Variants in OLFM3 observed in about 807,000 individuals in gnomAD.
OLFM3 encodes olfactomedin 3, also known as noelin-3.
In OLFM3, 20 loss-of-function variants were observed where a neutral mutation model predicts 48.6. The observed-to-expected ratio is 0.41, with a 90% CI of 0.29 to 0.60. The LOEUF is 0.60. Ranked by LOEUF, OLFM3 falls within the 20% of genes least tolerant of loss-of-function variation. The probability of loss-of-function intolerance (pLI) is 0.28; values close to 1 mark genes in which losing one functional copy is unlikely to be tolerated. For missense variants in OLFM3, 437 were observed against 544.3 expected, an observed-to-expected ratio of 0.80 and a Z score of 1.96; for synonymous variants, 222 against 198.1, an observed-to-expected ratio of 1.12 and a Z score of -1.01.
intron 4 of OLFM3, among the ~76,000 whole-genome samples, chr1:101,818,006 C>A (rs930233491): frequency 3.3e-5 from 5 of 152,070 alleles, no homozygotes; most frequent in African/African-American, 1.2e-4. Flanking sequence ...TAATGGTTAT[C>A]TGGCTAATGG....
chr1:101,821,782 T>A (rs558586300), intron 4 of OLFM3, among the ~76,000 whole-genome samples: 2 of 152,150 alleles, frequency 1.3e-5, no homozygotes, highest in Non-Finnish European at 2.9e-5. Flanking sequence ...CTCGATTAAC[T>A]TATATAGCAA....
chr1:101,914,007 T>G (rs1192695824), intron 1 of OLFM3, among the ~76,000 whole-genome samples: 1 of 152,150 alleles, frequency 6.6e-6, no homozygotes, highest in Non-Finnish European at 1.5e-5. Context: ...AAACTACAAA[T>G]TAGACATGTA....
chr1:101,874,060 G>C (rs546395516), intron 1 of OLFM3, among the ~76,000 whole-genome samples: 1 of 151,990 alleles, frequency 6.6e-6, no homozygotes, highest in Non-Finnish European at 1.5e-5. Context: ...ACTGGCCTAA[G>C]AGCAGGAATA....
intron 4 of OLFM3, chr1:101,812,885 T>G (rs2100872640): frequency 1.0e-6 from 1 of 994,164 alleles, no homozygotes; most frequent in Middle Eastern, 5.0e-4. Flanking sequence ...AAAGCAAACT[T>G]TACTTTCTTG....
At chr1:101,844,865 T>C (rs1264640154) in intron 1 of OLFM3, among the ~76,000 whole-genome samples, 1 of 152,196 alleles carries the variant, frequency 6.6e-6, no homozygotes, top group Non-Finnish European at 1.5e-5. Flanking sequence ...ACTGGCTTGA[T>C]GGTTTCTAAG....
chr1:101,900,707 T>C (rs1165695646), intron 1 of OLFM3, among the ~76,000 whole-genome samples: 1 of 151,974 alleles, frequency 6.6e-6, no homozygotes, highest in Non-Finnish European at 1.5e-5. Flanking sequence ...AGAAAATATA[T>C]GAAAGAGTTG....
intron 1 of OLFM3, among the ~76,000 whole-genome samples, chr1:101,985,200 G>T (rs900316725): frequency 6.6e-6 from 1 of 152,098 alleles, no homozygotes; most frequent in Non-Finnish European, 1.5e-5. Flanking sequence ...CCTCTTAAAA[G>T]GACCATTTTG....
rs553018897 is a variant in OLFM3, at chr1:101,868,012, G to A, written c.70-30987C>T. Among the ~76,000 whole-genome samples the A allele has an allele frequency of 6.6e-5, 10 of 152,244 alleles. No individual in the cohort carries two copies. The East Asian group carries it at 1.2e-3, about 18-fold the overall frequency. On this transcript the variant is annotated intron_variant, in intron 1 of 5. Transcript: ENST00000370103. ...CCTGACACCTTGTGAAGAAGGATGT[G>A]TTTGCTTCCCCTTCCACCACGACTG...
intron 1 of OLFM3, among the ~76,000 whole-genome samples, chr1:101,882,328 TA>T (rs1557714824): frequency 8.3e-4 from 84 of 100,680 alleles, no homozygotes; most frequent in African/African-American, 2.9e-3. Context: ...TATATATATA[TA>T]TAATATATAT....
In OLFM3 at chr1:101,825,032, T is replaced by G; in HGVS notation, c.586A>C (p.Lys196Gln). 5 of 1,613,894 alleles carry G rather than the reference T, an allele frequency of 3.1e-6. No homozygotes were observed. The highest frequency in any genetic ancestry group is 4.2e-6 in the Non-Finnish European group (5 of 1,179,788). ...LETRLRDCMK[K>Q]LTCGKLMKIT... ...ATTAAATTGTCATACTCACTTAGCT[T>G]TTTCATGCAGTCACGAAGTCTTGTT... Residue 196 changes from lysine (K) to glutamine (Q), a missense_variant, in exon 4 of 6, where the codon AAG (lysine) becomes CAG (glutamine). Physicochemically the swap from Lys to Gln is moderately conservative, Grantham distance 53. Around this residue, in one of 3 missense-constraint regions of OLFM3, gnomAD observed 314 missense variants for 365.5 expected, o/e 0.86. Coordinates refer to ENST00000370103, the MANE Select transcript of OLFM3 (RefSeq NM_058170.4).
At chr1:101,980,072 C>A (rs1661066101) in intron 1 of OLFM3, among the ~76,000 whole-genome samples, 1 of 152,040 alleles carries the variant, frequency 6.6e-6, no homozygotes, top group Non-Finnish European at 1.5e-5. Flanking sequence ...CCAATTTTTC[C>A]CATTTGGAAT....
intron 1 of OLFM3, among the ~76,000 whole-genome samples, chr1:101,867,670 C>G (rs1656908574): frequency 6.6e-6 from 1 of 152,170 alleles, no homozygotes; most frequent in Non-Finnish European, 1.5e-5. Context: ...GCCTCTACTA[C>G]CCAACAACTG....
chr1:101,899,147 T>C (rs12730585), intron 1 of OLFM3, among the ~76,000 whole-genome samples: 41,583 of 151,898 alleles, frequency 0.27, 5,917 homozygotes, highest in East Asian at 0.37. Flanking sequence ...AAGACTGGAG[T>C]TGTGATCATA....
At chr1:101,864,615 T>C (rs181719201) in intron 1 of OLFM3, among the ~76,000 whole-genome samples, 24 of 152,296 alleles carry the variant, frequency 1.6e-4, no homozygotes, top group East Asian at 1.4e-3. Context: ...TTATAATGCA[T>C]GATTTTGGAA....
At chr1:101,863,979 T>C (rs1656759487) in intron 1 of OLFM3, among the ~76,000 whole-genome samples, 3 of 152,174 alleles carry the variant, frequency 2.0e-5, no homozygotes, top group Non-Finnish European at 2.9e-5. Flanking sequence ...AACTTGATGC[T>C]TCAGAAATGG....
At chr1:101,824,794 C>T (rs1654779199) in intron 4 of OLFM3, among the ~76,000 whole-genome samples, 2 of 152,122 alleles carry the variant, frequency 1.3e-5, no homozygotes, top group South Asian at 4.1e-4. Flanking sequence ...TGCCAGATTA[C>T]TTATTTGAAG....
chr1:101,824,826 C>T (rs887497077), intron 4 of OLFM3, among the ~76,000 whole-genome samples, 200 bp downstream of exon 4: 1 of 152,060 alleles, frequency 6.6e-6, no homozygotes, highest in African/African-American at 2.4e-5. Context: ...TAACACAGGG[C>T]TCTAAAAATC....
At chr1:101,808,514 C>G (rs375708254) in intron 4 of OLFM3, among the ~76,000 whole-genome samples, 1 of 151,792 alleles carries the variant, frequency 6.6e-6, no homozygotes, top group Non-Finnish European at 1.5e-5. Flanking sequence ...TGAAATCAGG[C>G]ACACCACTTA....
chr1:101,867,696 G>T (rs1246193818), intron 1 of OLFM3, among the ~76,000 whole-genome samples: 7 of 152,064 alleles, frequency 4.6e-5, no homozygotes, highest in African/African-American at 1.7e-4. Flanking sequence ...CTCAAAGAAA[G>T]TTATTTAATT....
Sources: allele counts gnomAD v4.1 joint callset (sites outside exome capture counted in the v4.1 genomes callset), GRCh38; gene constraint gnomAD v4.1.1; regional missense constraint gnomAD v4.1.1; transcripts MANE v1.5; gene names NCBI Gene and HGNC (gene_info 2026-07-23, HGNC 2026-07-21).